Variants in NOTCH2NLC observed in about 807,000 individuals in gnomAD.
NOTCH2NLC encodes notch homolog 2 N-terminal-like protein C.
Under a neutral mutation model 17.7 loss-of-function variants are expected in NOTCH2NLC, and 4 were observed. The observed-to-expected ratio is 0.23, with a 90% confidence interval of 0.11 to 0.52. The LOEUF is 0.52. Among genes scored for constraint, NOTCH2NLC ranks in the 20% least tolerant of loss-of-function variants. The pLI, the probability that NOTCH2NLC is intolerant of heterozygous loss-of-function variation, is 0.96. For synonymous variants in NOTCH2NLC, 18 were observed against 86.0 expected (o/e 0.21, Z 4.38); for missense variants, 57 against 207.2 (o/e 0.28, Z 4.45).
chr1:149,446,128 C>A lies in NOTCH2NLC; in HGVS notation c.210-9190C>A, dbSNP rs1344977139. On this transcript the variant is annotated intron_variant, in intron 2 of 4. Coordinates refer to ENST00000650865, the MANE Select transcript of NOTCH2NLC (RefSeq NM_001364013.2). Reference sequence around the variant, plus strand: ...GCTTTTCTGTAGACGAGTGGCTATTCACTTAGGAAACGTGAAAGAACAAAT... The same window carrying A: ...GCTTTTCTGTAGACGAGTGGCTATTAACTTAGGAAACGTGAAAGAACAAAT... 9.1e-5 allele frequency among the ~76,000 whole-genome samples: 9 copies of A among 98,382 alleles called. No homozygotes were observed. In the South Asian group the frequency reaches 2.8e-3, roughly 31 times the overall value. The allele number at this position is 98,382 out of a possible 152,430, so 64.5% of individuals were successfully genotyped here.
chr1:149,424,909 C>A (rs1306006258), intron 1 of NOTCH2NLC, among the ~76,000 whole-genome samples: 7 of 151,290 alleles, frequency 4.6e-5, no homozygotes, highest in Non-Finnish European at 1.0e-4. Flanking sequence ...TCACTCATTA[C>A]TGTGGGTGGG....
Position 149,463,723 on chromosome 1 carries a change from G to GTGACA in NOTCH2NLC, c.703_704insGACAT (p.Tyr235Ter). 1 of 427,200 alleles carries GTGACA rather than the reference G, an allele frequency of 2.3e-6. No homozygotes were observed. Among genetic ancestry groups the GTGACA allele is most frequent in the South Asian group, 2.2e-5 (1 of 45,338 alleles). 26.5% of individuals were successfully genotyped at this position (427,200 alleles called of 1,614,324 possible). A position where few individuals can be genotyped will look rare whatever the true frequency, so the allele number is the denominator to read the frequency against. Reference sequence around the variant, plus strand: ...AGTGCCTTCAGGGCTTCACAGGCCAGTACTGTGACAGCCTGTATGTGCCCT... The same window carrying GTGACA: ...AGTGCCTTCAGGGCTTCACAGGCCAGTGACATACTGTGACAGCCTGTATGTGCCCT... On this transcript the variant is annotated stop_gained and frameshift_variant, in exon 4 of 5. Transcript: ENST00000650865. LOFTEE classifies it high-confidence loss of function.
intron 1 of NOTCH2NLC, among the ~76,000 whole-genome samples, chr1:149,415,874 A>G (rs2084332201): frequency 6.7e-6 from 1 of 149,804 alleles, no homozygotes; most frequent in African/African-American, 2.4e-5. Context: ...GATTTCTATC[A>G]CCAAATACCC....
chr1:149,410,706 A>AT (rs1293104906), intron 1 of NOTCH2NLC, among the ~76,000 whole-genome samples: 1 of 115,898 alleles, frequency 8.6e-6, no homozygotes, highest in African/African-American at 3.3e-5. Context: ...GACCTTGTTC[A>AT]TTTTTTGAGA....
Position 149,390,935 on chromosome 1 carries a change from C to T in NOTCH2NLC, c.135+13C>T, listed in dbSNP as rs1378847379. 232 of 1,383,738 alleles carry T rather than the reference C, an allele frequency of 1.7e-4. 3 individuals carry two copies. Among genetic ancestry groups the T allele is most frequent in the Non-Finnish European group, 2.1e-4 (221 of 1,074,156 alleles). The allele number at this position is 1,383,738 out of a possible 1,614,324, so 85.7% of individuals were successfully genotyped here. A position where few individuals can be genotyped will look rare whatever the true frequency, so the allele number is the denominator to read the frequency against. On this transcript the variant is annotated intron_variant, in intron 1 of 4. Transcript: ENST00000650865. Reference sequence around the variant, plus strand: ...ACCCCCGCGCATGGTGAGTATCGGGCTGAGGGGCGCTGTCCGCGGCGCCCG... The same window carrying T: ...ACCCCCGCGCATGGTGAGTATCGGGTTGAGGGGCGCTGTCCGCGGCGCCCG...
chr1:149,433,927 G>A (rs1321774547), intron 2 of NOTCH2NLC, among the ~76,000 whole-genome samples: 8 of 149,064 alleles, frequency 5.4e-5, no homozygotes, highest in Admixed American at 6.7e-5. Context: ...CAGCCTGAGC[G>A]ACAGAGTGAG....
chr1:149,460,658 A>C (rs1241133488), intron 3 of NOTCH2NLC, among the ~76,000 whole-genome samples: 1 of 148,626 alleles, frequency 6.7e-6, no homozygotes, highest in Non-Finnish European at 1.5e-5. Context: ...TCTTTTATAC[A>C]TATGCTATTT....
chr1:149,398,632 T>G (rs2084222922), intron 1 of NOTCH2NLC, among the ~76,000 whole-genome samples: 1 of 151,238 alleles, frequency 6.6e-6, no homozygotes, highest in African/African-American at 2.4e-5. Context: ...GAACAAGCTC[T>G]TGGGGGTTCA....
chr1:149,455,771 G>GAAAGAA (rs1214217367), intron 3 of NOTCH2NLC, among the ~76,000 whole-genome samples, 194 bp downstream of exon 3: 1 of 148,518 alleles, frequency 6.7e-6, no homozygotes, highest in Non-Finnish European at 1.5e-5. Flanking sequence ...CAGAGAAAGA[G>GAAAGAA]AAAGAAAAAG....
At chr1:149,449,432 TGAA>T (rs1453472344) in intron 2 of NOTCH2NLC, among the ~76,000 whole-genome samples, 1 of 148,164 alleles carries the variant, frequency 6.7e-6, no homozygotes, top group African/African-American at 2.5e-5. Context: ...ACTAAAAAGG[TGAA>T]GAAGCCTGGA....
At chr1:149,419,822 TA>T (rs1455387895) in intron 1 of NOTCH2NLC, among the ~76,000 whole-genome samples, 2 of 137,824 alleles carry the variant, frequency 1.5e-5, no homozygotes, top group African/African-American at 5.3e-5. Context: ...ATAAAATAAA[TA>T]AAAATTGAAG....
At chr1:149,440,900 T>G (rs2084514840) in intron 2 of NOTCH2NLC, among the ~76,000 whole-genome samples, 1 of 141,750 alleles carries the variant, frequency 7.1e-6, no homozygotes, top group African/African-American at 2.6e-5. Flanking sequence ...CATGTTAACT[T>G]GAACGTTTGG....
chr1:149,430,679 A>G (rs2084443669), intron 1 of NOTCH2NLC, among the ~76,000 whole-genome samples: 1 of 149,758 alleles, frequency 6.7e-6, no homozygotes, highest in African/African-American at 2.5e-5. Context: ...GGAGATGGAG[A>G]TGTAACAGCT....
chr1:149,396,009 C>T (rs2084205356), intron 1 of NOTCH2NLC, among the ~76,000 whole-genome samples: 1 of 151,024 alleles, frequency 6.6e-6, no homozygotes, highest in Non-Finnish European at 1.5e-5. Flanking sequence ...GGCATGTGCC[C>T]GAAATTCAGA....
At chr1:149,435,851 G>C (rs1479983057) in intron 2 of NOTCH2NLC, among the ~76,000 whole-genome samples, 1 of 145,162 alleles carries the variant, frequency 6.9e-6, no homozygotes, top group Non-Finnish European at 1.5e-5. Flanking sequence ...TTTTCTGCTT[G>C]CACACTCTTC....
Position 149,449,471 on chromosome 1 carries a change from CA to C in NOTCH2NLC, c.210-5844del, listed in dbSNP as rs1303654768. Among the ~76,000 whole-genome samples the C allele has an allele frequency of 1.6e-4, 23 of 147,628 alleles. 1 individual carries two copies. The highest frequency in any genetic ancestry group is 3.0e-4 in the Non-Finnish European group (20 of 66,346). On this transcript the variant is annotated intron_variant, in intron 2 of 4. Coordinates refer to ENST00000650865, the MANE Select transcript of NOTCH2NLC (RefSeq NM_001364013.2). ...AATAACCCTATACTGAGGAATACGC[CA>C]AACCATTGAATCCTGGAAAAAAGAA...
rs1230041739 is a variant in NOTCH2NLC at position 149,466,244 on chromosome 1, ATATG to A, written c.*2093_*2096del. 2.9e-5 allele frequency: 4 copies of A among 138,262 alleles called. No individual in the cohort carries two copies. Among genetic ancestry groups the A allele is most frequent in the African/African-American group, 8.4e-5 (3 of 35,852 alleles). The allele number at this position is 138,262 out of a possible 1,614,324, so 8.6% of individuals were successfully genotyped here. A position where few individuals can be genotyped will look rare whatever the true frequency, so the allele number is the denominator to read the frequency against. On this transcript the variant is annotated 3_prime_UTR_variant, in exon 5 of 5. Transcript: ENST00000650865. The stretch of plus-strand genomic sequence containing the variant: ...ATCAAATAGTACTTGTTACATATCA[ATATG>A]TGTGTGTGTGTGTGTGTGTGTGTGT...
intron 1 of NOTCH2NLC, among the ~76,000 whole-genome samples, chr1:149,421,515 A>G (rs1216625520): frequency 6.8e-6 from 1 of 147,192 alleles, no homozygotes; most frequent in Non-Finnish European, 1.5e-5. Context: ...AAAAAAAAAA[A>G]AAAAAGCTTT....
rs1170454696 is a variant in NOTCH2NLC, at chr1:149,460,197, T to G, written c.470-3294T>G. Among the ~76,000 whole-genome samples, 85 of 145,510 alleles carry G rather than the reference T, an allele frequency of 5.8e-4. 4 individuals are homozygous for G. Among genetic ancestry groups the G allele is most frequent in the Non-Finnish European group, 9.4e-4 (61 of 65,226 alleles). On this transcript the variant is annotated intron_variant, in intron 3 of 4. Coordinates refer to ENST00000650865, the MANE Select transcript of NOTCH2NLC (RefSeq NM_001364013.2). Reference sequence around the variant, plus strand: ...TATTAGGAGGCAAAGTAGGGGGGCATATACCCACTTAAAATATTTTAATTC... The same window carrying G: ...TATTAGGAGGCAAAGTAGGGGGGCAGATACCCACTTAAAATATTTTAATTC...
Sources: gnomAD v4.1 joint callset for allele counts (sites outside exome capture counted in the v4.1 genomes callset) on GRCh38, gnomAD v4.1.1 for gene constraint, MANE v1.5 for transcripts, NCBI Gene and HGNC (gene_info 2026-07-23, HGNC 2026-07-21) for gene names.